Variants in TRDN observed in about 807,000 individuals in gnomAD.
TRDN encodes the protein triadin.
Under a neutral mutation model 149.7 loss-of-function variants are expected in TRDN, and 161 were observed. The observed-to-expected ratio is 1.08, with a 90% confidence interval of 0.95 to 1.23. The LOEUF is 1.23. TRDN is among the 50% of genes most tolerant of loss of function. The probability of loss-of-function intolerance (pLI) is 0.00; values close to 1 mark genes in which losing one functional copy is unlikely to be tolerated. For missense variants in TRDN, 896 were observed against 823.5 expected, an observed-to-expected ratio of 1.09 and a Z score of -1.08; for synonymous variants, 294 against 250.5, an observed-to-expected ratio of 1.17 and a Z score of -1.64.
chr6:123,250,386 A>G (rs1582776355), intron 38 of TRDN, among the ~76,000 whole-genome samples: 1 of 151,946 alleles, frequency 6.6e-6, no homozygotes, highest in Admixed American at 6.6e-5. Context: ...CCCAAAACCC[A>G]CTCCTACCAC....
intron 4 of TRDN, among the ~76,000 whole-genome samples, chr6:123,538,572 T>G (rs904937253): frequency 6.6e-6 from 1 of 152,158 alleles, no homozygotes; most frequent in African/African-American, 2.4e-5. Flanking sequence ...TGTGTATGAC[T>G]TAATGGGCAA....
chr6:123,227,562 G>T (rs1775424295), intron 38 of TRDN, among the ~76,000 whole-genome samples: 1 of 151,914 alleles, frequency 6.6e-6, no homozygotes, highest in Non-Finnish European at 1.5e-5. Context: ...TATGCATCAA[G>T]TTAATGGGCA....
chr6:123,457,704 C>A, intron 10 of TRDN: 1 of 306,228 alleles, frequency 3.3e-6, no homozygotes, highest in Non-Finnish European at 6.4e-6. Context: ...TGAAAGATAC[C>A]TATGTTACCT....
At chr6:123,389,977 C>T (rs1448867072) in intron 13 of TRDN, among the ~76,000 whole-genome samples, 1 of 152,070 alleles carries the variant, frequency 6.6e-6, no homozygotes, top group Non-Finnish European at 1.5e-5. Context: ...TGATTCTTTA[C>T]ATTGAAAATA....
intron 24 of TRDN, among the ~76,000 whole-genome samples, chr6:123,302,820 A>T (rs930672562): frequency 6.6e-6 from 1 of 152,234 alleles, no homozygotes; most frequent in East Asian, 1.9e-4. Flanking sequence ...GTTCTTATTC[A>T]TCAGTTCTTG....
intron 19 of TRDN, among the ~76,000 whole-genome samples, chr6:123,371,383 C>CT (rs1483122608): frequency 6.6e-6 from 1 of 152,036 alleles, no homozygotes. Context: ...TTTTAAGTCT[C>CT]TTTTTTTCCG....
At chr6:123,305,453 T>C (rs1582846123) in intron 24 of TRDN, among the ~76,000 whole-genome samples, 1 of 152,176 alleles carries the variant, frequency 6.6e-6, no homozygotes, top group African/African-American at 2.4e-5. Context: ...AATTCAACTT[T>C]CTTCCATAAA....
chr6:123,508,330 C>T (rs1023331807), intron 7 of TRDN, among the ~76,000 whole-genome samples: 3 of 151,998 alleles, frequency 2.0e-5, no homozygotes, highest in South Asian at 2.1e-4. Context: ...GAATTGCACA[C>T]GTATTAATAT....
intron 24 of TRDN, among the ~76,000 whole-genome samples, chr6:123,302,501 G>T (rs566204105): frequency 6.6e-6 from 1 of 152,194 alleles, no homozygotes; most frequent in East Asian, 1.9e-4. Context: ...AAGTGAGTGG[G>T]TGGATGATGC....
chr6:123,314,245 A>T (rs1165773353), intron 24 of TRDN, among the ~76,000 whole-genome samples: 1 of 152,114 alleles, frequency 6.6e-6, no homozygotes, highest in Non-Finnish European at 1.5e-5. Context: ...AGCATATGAA[A>T]AAAAGGCTTA....
At chr6:123,624,502 T>A (rs1434098702) in intron 1 of TRDN, among the ~76,000 whole-genome samples, 1 of 152,174 alleles carries the variant, frequency 6.6e-6, no homozygotes. Context: ...ATTGCCTTAA[T>A]CTAGTCATTA....
At chr6:123,563,483 A>G (rs1333701703) in intron 2 of TRDN, among the ~76,000 whole-genome samples, 4 of 152,216 alleles carry the variant, frequency 2.6e-5, no homozygotes, top group Admixed American at 6.5e-5. Flanking sequence ...CTCTTCTTAA[A>G]AAAAGCCCAT....
At chr6:123,501,973 T>C (rs1047335737) in intron 8 of TRDN, 2 of 985,062 alleles carry the variant, frequency 2.0e-6, no homozygotes, top group African/African-American at 3.5e-5. Flanking sequence ...TCCCCAAAGA[T>C]ATGAAAAATT....
intron 38 of TRDN, among the ~76,000 whole-genome samples, chr6:123,248,950 T>C (rs1448697887): frequency 6.6e-6 from 1 of 152,122 alleles, no homozygotes; most frequent in Non-Finnish European, 1.5e-5. Context: ...CTGTTGAATA[T>C]AGATGCAAAA....
chr6:123,548,799 A>G (rs1781247044), intron 2 of TRDN, among the ~76,000 whole-genome samples, 187 bp from the exon 3 acceptor site: 1 of 151,996 alleles, frequency 6.6e-6, no homozygotes, highest in Non-Finnish European at 1.5e-5. Flanking sequence ...ATATGCATGC[A>G]TGCCAAGAAA....
intron 15 of TRDN, 23 bp from the exon 16 acceptor site, chr6:123,381,413 C>A: frequency 6.4e-7 from 1 of 1,551,646 alleles, no homozygotes; most frequent in Non-Finnish European, 8.7e-7. Flanking sequence ...CAAACAAAAT[C>A]ATTGCTCTTA....
chr6:123,291,030 A>G (rs1401812117), intron 24 of TRDN, among the ~76,000 whole-genome samples: 2 of 152,038 alleles, frequency 1.3e-5, no homozygotes, highest in African/African-American at 2.4e-5. Context: ...GGTGGCACAT[A>G]TCTGTAATTC....
At chr6:123,380,739 G>A (rs1295752158) in intron 16 of TRDN, among the ~76,000 whole-genome samples, 1 of 80,826 alleles carries the variant, frequency 1.2e-5, no homozygotes, top group Non-Finnish European at 2.6e-5. Context: ...GCTTTCTTTT[G>A]TTAAATATAT....
At chr6:123,286,859 C>G (rs1777821653) in intron 24 of TRDN, among the ~76,000 whole-genome samples, 1 of 151,982 alleles carries the variant, frequency 6.6e-6, no homozygotes, top group Non-Finnish European at 1.5e-5. Flanking sequence ...GCAGCAGCAC[C>G]TGGGGAGTTG....
Sources: allele counts gnomAD v4.1 joint callset (sites outside exome capture counted in the v4.1 genomes callset), GRCh38; gene constraint gnomAD v4.1.1; transcripts MANE v1.5; gene names NCBI Gene and HGNC (gene_info 2026-07-23, HGNC 2026-07-21).